USP49: variants seen among roughly 807,000 people sequenced by gnomAD.
USP49 encodes ubiquitin specific peptidase 49, also known as ubiquitin carboxyl-terminal hydrolase 49.
USP49 carries 24 observed loss-of-function variants against 58.6 expected under a neutral mutation model. The observed-to-expected ratio is 0.41, with a 90% CI of 0.30 to 0.58. The LOEUF (loss-of-function observed/expected upper bound fraction) is 0.58, where lower values mean the gene tolerates loss of function less well. Among genes scored for constraint, USP49 ranks in the 20% least tolerant of loss-of-function variants. The pLI, the probability that USP49 is intolerant of heterozygous loss-of-function variation, is 0.30. For missense variants in USP49, 703 were observed against 866.1 expected, an observed-to-expected ratio of 0.81 and a Z score of 2.36; for synonymous variants, 408 against 365.1, an observed-to-expected ratio of 1.12 and a Z score of -1.34.
At chr6:41,887,174 G>A (rs1026763919) in intron 2 of USP49, 1 of 152,202 alleles carries the variant, frequency 6.6e-6, no homozygotes, top group Admixed American at 6.5e-5. Context: ...TTACCTTTTG[G>A]CCATTCTCTG....
chr6:41,846,080 C>G (rs903491916), intron 3 of USP49, among the ~76,000 whole-genome samples: 2 of 152,126 alleles, frequency 1.3e-5, no homozygotes, highest in African/African-American at 2.4e-5. Flanking sequence ...CTTTGGGAGG[C>G]CAAGGCAGGT....
intron 3 of USP49, among the ~76,000 whole-genome samples, chr6:41,812,624 C>T (rs1360055266): frequency 6.6e-6 from 1 of 151,564 alleles, no homozygotes; most frequent in Admixed American, 6.6e-5. Context: ...ACCCGGGAGG[C>T]GGAGCTTGCA....
chr6:41,890,574 G>A (rs879929457), intron 2 of USP49, among the ~76,000 whole-genome samples: 1 of 152,098 alleles, frequency 6.6e-6, no homozygotes, highest in Non-Finnish European at 1.5e-5. Flanking sequence ...TTAACCAGGT[G>A]TGATGGCACA....
At chr6:41,810,115 GCACTT>G (rs1773226723) in intron 3 of USP49, among the ~76,000 whole-genome samples, 1 of 151,420 alleles carries the variant, frequency 6.6e-6, no homozygotes, top group Non-Finnish European at 1.5e-5. Flanking sequence ...TCGCGCCACT[GCACTT>G]CAGCCTGGGC....
chr6:41,789,952 T>C lies in USP49; in HGVS notation c.*6581A>G, dbSNP rs1378695049. On this transcript the variant is annotated 3_prime_UTR_variant, in exon 8 of 8. Transcript: ENST00000682992. Reference sequence around the variant, plus strand: ...CTTACAAAAACAAGGTGTAAAAAGATTTACAAAAATCATAAAAACATGATT... The same window carrying C: ...CTTACAAAAACAAGGTGTAAAAAGACTTACAAAAATCATAAAAACATGATT... 1 of 151,920 alleles carries C rather than the reference T, an allele frequency of 6.6e-6. No individual in the cohort carries two copies. The highest frequency in any genetic ancestry group is 1.5e-5 in the Non-Finnish European group (1 of 67,998). 9.4% of individuals were successfully genotyped at this position (151,920 alleles called of 1,614,324 possible). A position where few individuals can be genotyped will look rare whatever the true frequency, so the allele number is the denominator to read the frequency against.
At chr6:41,815,806 C>T (rs750466868) in intron 3 of USP49, among the ~76,000 whole-genome samples, 3 of 152,206 alleles carry the variant, frequency 2.0e-5, no homozygotes, top group Non-Finnish European at 4.4e-5. Context: ...GGTGTGCTAT[C>T]ACTCATTTGT....
chr6:41,843,627 G>C (rs754368594), intron 3 of USP49, among the ~76,000 whole-genome samples: 7 of 152,248 alleles, frequency 4.6e-5, no homozygotes, highest in Middle Eastern at 3.4e-3. Context: ...AAAGAAATAG[G>C]CTGAGTGCTG....
At chr6:41,813,437 G>A (rs936153202) in intron 3 of USP49, among the ~76,000 whole-genome samples, 3 of 151,846 alleles carry the variant, frequency 2.0e-5, no homozygotes, top group South Asian at 2.1e-4. Context: ...CTGATGCCTC[G>A]CAAAATCAAC....
chr6:41,792,174 G>T lies in USP49; in HGVS notation c.*4359C>A, dbSNP rs1176650667. 6.6e-6 allele frequency: 1 copy of T among 152,254 alleles called. No individual in the cohort carries two copies. The highest frequency in any genetic ancestry group is 2.4e-5 in the African/African-American group (1 of 41,438). 9.4% of individuals were successfully genotyped at this position (152,254 alleles called of 1,614,324 possible). A position where few individuals can be genotyped will look rare whatever the true frequency, so the allele number is the denominator to read the frequency against. On this transcript the variant is annotated 3_prime_UTR_variant, in exon 8 of 8. Coordinates refer to ENST00000682992, the MANE Select transcript of USP49 (RefSeq NM_001286554.2). The stretch of plus-strand genomic sequence containing the variant: ...CGCCATCTCAGTCAGCGCCTGCCAG[G>T]GAAAGGGCATGGAGAGCTGGGACGG...
intron 3 of USP49, among the ~76,000 whole-genome samples, chr6:41,819,815 C>T (rs1773422809): frequency 6.6e-6 from 1 of 152,174 alleles, no homozygotes; most frequent in African/African-American, 2.4e-5. Context: ...TTATAAAATA[C>T]TCTTGCTAAA....
intron 3 of USP49, among the ~76,000 whole-genome samples, chr6:41,862,554 A>G (rs1199271372): frequency 6.6e-6 from 1 of 152,202 alleles, no homozygotes; most frequent in African/African-American, 2.4e-5. Flanking sequence ...CAAAAGGAAA[A>G]GATGGTCCTC....
At chr6:41,805,593 C>G (rs1397911704) in intron 4 of USP49, 35 bp downstream of exon 4, 3 of 1,581,322 alleles carry the variant, frequency 1.9e-6, no homozygotes, top group African/African-American at 2.7e-5. Flanking sequence ...AGCTAACATA[C>G]AAGCCTCTCA....
intron 3 of USP49, among the ~76,000 whole-genome samples, chr6:41,809,706 G>A (rs1220573762): frequency 1.3e-5 from 2 of 149,182 alleles, no homozygotes; most frequent in Non-Finnish European, 3.0e-5. Context: ...GGCGCCTGTG[G>A]TCCCAACCTA....
intron 3 of USP49, among the ~76,000 whole-genome samples, chr6:41,811,752 T>C (rs998794720): frequency 6.6e-6 from 1 of 152,176 alleles, no homozygotes; most frequent in Non-Finnish European, 1.5e-5. Context: ...AAAACACACA[T>C]ACATTAAAAG....
rs1411680303 is a variant in USP49, at chr6:41,795,902, G to C, written c.*631C>G. The C allele has an allele frequency of 6.6e-6, 1 of 152,206 alleles. No homozygotes were observed. Among genetic ancestry groups the C allele is most frequent in the African/African-American group, 2.4e-5 (1 of 41,456 alleles). The allele number at this position is 152,206 out of a possible 1,614,324, so 9.4% of individuals were successfully genotyped here. ...TGATTATATGACAGCAGCAAGTAGGGAGGGTATGACATATGAAAACCATCC... is the reference window on the plus strand; with the variant it reads ...TGATTATATGACAGCAGCAAGTAGGCAGGGTATGACATATGAAAACCATCC... On this transcript the variant is annotated 3_prime_UTR_variant, in exon 8 of 8. Coordinates refer to ENST00000682992, the MANE Select transcript of USP49 (RefSeq NM_001286554.2).
intron 3 of USP49, among the ~76,000 whole-genome samples, chr6:41,853,721 GCAC>G: frequency 1.3e-5 from 2 of 152,232 alleles, no homozygotes; most frequent in East Asian, 1.9e-4. Context: ...GGTAGGCCAG[GCAC>G]AGTGGCTCAC....
chr6:41,828,008 A>T lies in USP49; in HGVS notation c.-28-20997T>A, dbSNP rs1016676384. Among the ~76,000 whole-genome samples the T allele has an allele frequency of 7.9e-5, 12 of 152,320 alleles. 1 individual carries two copies. The East Asian group carries it at 9.6e-4, about 12-fold the overall frequency. On this transcript the variant is annotated intron_variant, in intron 3 of 7. Coordinates refer to ENST00000682992, the MANE Select transcript of USP49 (RefSeq NM_001286554.2). Reference sequence around the variant, plus strand: ...CCACTCTCAGAATTTAAAATTTTTTAAATTTACATTTTCTAAATTACTAAA... The same window carrying T: ...CCACTCTCAGAATTTAAAATTTTTTTAATTTACATTTTCTAAATTACTAAA...
intron 3 of USP49, among the ~76,000 whole-genome samples, chr6:41,816,356 C>T (rs7753507): frequency 0.52 from 78,746 of 151,918 alleles, 20,546 homozygotes; most frequent in Admixed American, 0.62. Context: ...AATTCATTAA[C>T]CTTTTCTCAG....
chr6:41,894,584 C>T (rs1774864296), intron 1 of USP49: 1 of 152,572 alleles, frequency 6.6e-6, no homozygotes, highest in South Asian at 2.1e-4. Context: ...TCACGTCTGG[C>T]TCTTAATCAC....
Sources: allele counts gnomAD v4.1 joint callset (sites outside exome capture counted in the v4.1 genomes callset), GRCh38; gene constraint gnomAD v4.1.1; transcripts MANE v1.5; gene names NCBI Gene and HGNC (gene_info 2026-07-23, HGNC 2026-07-21).